Variants in TRAF3 observed in about 807,000 individuals in gnomAD.
TRAF3 encodes TNF receptor-associated factor 3.
Under a neutral mutation model 62.3 loss-of-function variants are expected in TRAF3, and 13 were observed. The ratio of observed to expected loss-of-function variants is 0.21; its 90% CI spans 0.14 to 0.33. The LOEUF (loss-of-function observed/expected upper bound fraction) is 0.33. TRAF3 is among the 10% of genes least tolerant of loss of function. TRAF3 has a pLI of 1.00. For missense variants in TRAF3, 440 were observed against 741.8 expected, an observed-to-expected ratio of 0.59 and a Z score of 4.73; for synonymous variants, 269 against 283.4, an observed-to-expected ratio of 0.95 and a Z score of 0.51.
At chr14:102,852,290 T>A (rs771005177) in intron 2 of TRAF3, among the ~76,000 whole-genome samples, 26 of 152,090 alleles carry the variant, frequency 1.7e-4, no homozygotes, top group Non-Finnish European at 3.1e-4. Flanking sequence ...TTAGAAAAAA[T>A]TAGCCTTTTA....
At chr14:102,807,058 G>A (rs576979517) in intron 1 of TRAF3, among the ~76,000 whole-genome samples, 132 of 152,252 alleles carry the variant, frequency 8.7e-4, no homozygotes, top group African/African-American at 3.1e-3. Flanking sequence ...GCCCAGGCAA[G>A]CCTTCTGCTG....
At chr14:102,874,648 TTC>T (rs746906462) in intron 4 of TRAF3, among the ~76,000 whole-genome samples, 65 of 121,432 alleles carry the variant, frequency 5.4e-4, no homozygotes, top group Admixed American at 2.4e-3. Flanking sequence ...TTTTTTCTTC[TTC>T]TTTTTTTTTT....
intron 8 of TRAF3, 89 bp downstream of exon 8, chr14:102,889,723 G>A (rs2139936112): frequency 6.8e-7 from 1 of 1,470,628 alleles, no homozygotes; most frequent in African/African-American, 1.4e-5. Flanking sequence ...GCAAGCTCTG[G>A]ACTCCTTATT....
chr14:102,879,894 A>G (rs1888948652), intron 6 of TRAF3, among the ~76,000 whole-genome samples: 1 of 151,972 alleles, frequency 6.6e-6, no homozygotes, highest in African/African-American at 2.4e-5. Flanking sequence ...AAACAGGAGG[A>G]TCACTTGAGC....
At chr14:102,846,242 C>T (rs931671132) in intron 2 of TRAF3, among the ~76,000 whole-genome samples, 2 of 151,994 alleles carry the variant, frequency 1.3e-5, no homozygotes, top group African/African-American at 2.4e-5. Flanking sequence ...AATCTTAAGT[C>T]GTGTTTATAT....
intron 1 of TRAF3, among the ~76,000 whole-genome samples, chr14:102,806,582 T>C (rs1487305914): frequency 6.6e-6 from 1 of 152,192 alleles, no homozygotes; most frequent in Non-Finnish European, 1.5e-5. Context: ...TTAACAGCTA[T>C]TGAGTCCTTG....
At chr14:102,869,680 C>A (rs1362691277) in intron 2 of TRAF3, among the ~76,000 whole-genome samples, 1 of 151,808 alleles carries the variant, frequency 6.6e-6, no homozygotes, top group African/African-American at 2.4e-5. Context: ...GTGGTGGCCG[C>A]CTGTAGTCTC....
chr14:102,891,412 A>C lies in TRAF3; in HGVS notation c.814A>C (p.Lys272Gln), dbSNP rs749849268. 1 of 1,611,478 alleles carries C rather than the reference A, an allele frequency of 6.2e-7. No homozygotes were observed. Among genetic ancestry groups the C allele is most frequent in the Non-Finnish European group, 8.5e-7 (1 of 1,178,968 alleles). The change falls in exon 9 of 12, where the codon AAG becomes CAG. Residue 272 changes from lysine to glutamine, a missense_variant. By Grantham distance (53) the Lys-to-Gln change is moderately conservative. Transcript: ENST00000392745. ...LLKEWSNSLE[K>Q]KVSLLQNESV... ...GAAGGAGTGGAGCAACTCGCTCGAA[A>C]AGAAGGTGGGCTGCACACTTTCCTG... is the stretch of plus-strand genomic sequence containing the variant.
At chr14:102,793,982 T>C (rs1006340380) in intron 1 of TRAF3, among the ~76,000 whole-genome samples, 6 of 152,032 alleles carry the variant, frequency 3.9e-5, no homozygotes, top group Admixed American at 3.9e-4. Context: ...GTCATGAGGG[T>C]CCAAGAGGGC....
chr14:102,799,290 C>T lies in TRAF3; in HGVS notation c.-157+21615C>T, dbSNP rs1447486708. Among the ~76,000 whole-genome samples the T allele has an allele frequency of 2.6e-5, 4 of 152,188 alleles. No homozygotes were observed. In the East Asian group the frequency reaches 5.8e-4, roughly 22 times the overall value. On this transcript the variant is annotated intron_variant, in intron 1 of 11. Coordinates refer to ENST00000392745, the MANE Select transcript of TRAF3 (RefSeq NM_145725.3). ...GAGTTGACACAGCGGGAGGAACCAG[C>T]TGCACTACCACTCATGTTCTTTTCC...
At chr14:102,831,467 A>G (rs1253789706) in intron 2 of TRAF3, among the ~76,000 whole-genome samples, 1 of 152,244 alleles carries the variant, frequency 6.6e-6, no homozygotes, top group Non-Finnish European at 1.5e-5. Context: ...GGTTTACCAC[A>G]TGGTGAAGAG....
At chr14:102,904,654 C>A (rs1029649773) in intron 11 of TRAF3, among the ~76,000 whole-genome samples, 1 of 151,452 alleles carries the variant, frequency 6.6e-6, no homozygotes, top group Non-Finnish European at 1.5e-5. Flanking sequence ...AGTAAAAATA[C>A]AAAAAGTTAG....
intron 8 of TRAF3, among the ~76,000 whole-genome samples, chr14:102,889,960 G>T (rs1889617243): frequency 6.6e-6 from 1 of 152,258 alleles, no homozygotes; most frequent in South Asian, 2.1e-4. Context: ...GGAAATTTTA[G>T]CAGTTACCTG....
rs776436552 is a variant in TRAF3, at chr14:102,870,179, C to T, written c.-17-6C>T. On this transcript the variant is annotated splice_polypyrimidine_tract_variant and splice_region_variant and intron_variant, in intron 2 of 11. Transcript: ENST00000392745. Reference sequence around the variant, plus strand: ...ATGATGGCACTCTACTGTTTTTTCCCGACAGAACTCCTCTTTCCTAAAATG... The same window carrying T: ...ATGATGGCACTCTACTGTTTTTTCCTGACAGAACTCCTCTTTCCTAAAATG... The T allele has an allele frequency of 1.7e-5, 28 of 1,613,950 alleles. No homozygotes were observed. The highest frequency in any genetic ancestry group is 2.2e-5 in the East Asian group (1 of 44,862).
At chr14:102,851,872 T>C (rs1408594311) in intron 2 of TRAF3, among the ~76,000 whole-genome samples, 1 of 151,606 alleles carries the variant, frequency 6.6e-6, no homozygotes, top group Non-Finnish European at 1.5e-5. Context: ...CTGGGCAACA[T>C]GGCGAGACCC....
intron 1 of TRAF3, among the ~76,000 whole-genome samples, chr14:102,784,215 CTTTTTT>C (rs76663820): frequency 1.3e-4 from 15 of 117,638 alleles, no homozygotes; most frequent in Non-Finnish European, 1.8e-4. Flanking sequence ...GATGCTTGGC[CTTTTTT>C]TTTTTTTTTT....
chr14:102,791,165 AC>A (rs964220725), intron 1 of TRAF3, among the ~76,000 whole-genome samples: 60 of 151,658 alleles, frequency 4.0e-4, no homozygotes, highest in African/African-American at 1.4e-3. Context: ...GACTACAGGC[AC>A]CTGCCACCAT....
chr14:102,830,823 C>T (rs1271588520), intron 2 of TRAF3, among the ~76,000 whole-genome samples: 1 of 152,164 alleles, frequency 6.6e-6, no homozygotes, highest in Non-Finnish European at 1.5e-5. Flanking sequence ...CCAGCAGTTA[C>T]CCAGGGGTGA....
rs528113199 is a variant in TRAF3 at position 102,826,490 on chromosome 14, CA to C, written c.-156-3843del. Among the ~76,000 whole-genome samples the C allele has an allele frequency of 1.9e-3, 285 of 152,100 alleles. 4 individuals carry two copies. Among genetic ancestry groups the C allele is most frequent in the Admixed American group, 0.017 (253 of 15,280 alleles). On this transcript the variant is annotated intron_variant, in intron 1 of 11. Transcript: ENST00000392745. The surrounding 1 kb of genome is among the most constrained non-coding windows in gnomAD (Gnocchi z 4.6). ...GAGCTCAGGGAAAGGGCCTTGCTGC[CA>C]GGGGTGGGAAGGGAGTCAGTGAAGA...
Sources: gnomAD v4.1 joint callset for allele counts (sites outside exome capture counted in the v4.1 genomes callset) on GRCh38, gnomAD v4.1.1 for gene constraint, Gnocchi (gnomAD v3.1) non-coding constraint, MANE v1.5 for transcripts, NCBI Gene and HGNC (gene_info 2026-07-23, HGNC 2026-07-21) for gene names.